CFAP61: variants seen among roughly 807,000 people sequenced by gnomAD.
CFAP61 encodes cilia- and flagella-associated protein 61.
In CFAP61, 107 loss-of-function variants were observed where a neutral mutation model predicts 135.6. The observed-to-expected ratio is 0.79, with a 90% CI of 0.67 to 0.93. The LOEUF (loss-of-function observed/expected upper bound fraction) is 0.93, where lower values mean the gene tolerates loss of function less well. Among genes scored for constraint, CFAP61 ranks in the 40% least tolerant of loss-of-function variants. The pLI is 0.00. For synonymous variants in CFAP61, 575 were observed against 578.5 expected, an observed-to-expected ratio of 0.99 and a Z score of 0.09; for missense variants, 1,507 against 1,556.2, an observed-to-expected ratio of 0.97 and a Z score of 0.53.
intron 13 of CFAP61, among the ~76,000 whole-genome samples, chr20:20,177,686 A>C (rs1003823639): frequency 6.6e-6 from 1 of 150,766 alleles, no homozygotes; most frequent in Admixed American, 6.7e-5. Flanking sequence ...GGGGGCCTGC[A>C]TTCTAGATGG....
In CFAP61 at chr20:20,136,132, GT is replaced by G. The variant is rs1005905661; in HGVS notation, c.860-6716del. On this transcript the variant is annotated intron_variant, in intron 8 of 26. Coordinates refer to ENST00000245957, the MANE Select transcript of CFAP61 (RefSeq NM_015585.4). Reference sequence around the variant, plus strand: ...ATTGGAGCTGCTTTGTGTATTATTTGTTTTTTTTTCTCTTGCTGCTTTTAGG... The same window carrying G: ...ATTGGAGCTGCTTTGTGTATTATTTGTTTTTTTTCTCTTGCTGCTTTTAGG... 9.3e-5 allele frequency among the ~76,000 whole-genome samples: 14 copies of G among 150,608 alleles called. No homozygotes were observed. The South Asian group carries it at 1.9e-3, about 20-fold the overall frequency.
Position 20,298,179 on chromosome 20 carries a change from AG to A in CFAP61, c.3218del. On this transcript the variant is annotated splice_acceptor_variant, in intron 24 of 26. Transcript: ENST00000245957. LOFTEE classifies it high-confidence loss of function. ...TTTTTCTTGTCCACATCCCTCCTCC[AG>A]GGTTTAGAACTAGTAACCGGCAGTG... 3 of 1,609,118 alleles carry A rather than the reference AG, an allele frequency of 1.9e-6. No individual in the cohort carries two copies. In the South Asian group the frequency reaches 3.3e-5, roughly 18 times the overall value.
At chr20:20,164,554 G>A (rs1015043652) in intron 11 of CFAP61, among the ~76,000 whole-genome samples, 20 of 152,262 alleles carry the variant, frequency 1.3e-4, no homozygotes, top group Non-Finnish European at 2.1e-4. Context: ...GTTACTGGTT[G>A]TCTAGAGTCT....
intron 18 of CFAP61, among the ~76,000 whole-genome samples, chr20:20,232,091 C>T (rs1314611082): frequency 6.6e-6 from 1 of 152,168 alleles, no homozygotes; most frequent in African/African-American, 2.4e-5. Context: ...CGTTAGCCCA[C>T]CTCTGCTGCC....
chr20:20,241,814 A>T (rs1033810712), intron 18 of CFAP61, among the ~76,000 whole-genome samples: 4 of 152,168 alleles, frequency 2.6e-5, no homozygotes, highest in African/African-American at 9.7e-5. Context: ...AGCATTTTTC[A>T]TTAAATGGTA....
At chr20:20,066,013 A>G (rs961796036) in intron 2 of CFAP61, among the ~76,000 whole-genome samples, 1 of 152,260 alleles carries the variant, frequency 6.6e-6, no homozygotes, top group African/African-American at 2.4e-5. Flanking sequence ...ACCCCATCAA[A>G]AAGTGGGCAA....
chr20:20,277,910 G>A (rs988898627), intron 22 of CFAP61, among the ~76,000 whole-genome samples: 2 of 152,232 alleles, frequency 1.3e-5, no homozygotes, highest in Non-Finnish European at 2.9e-5. Context: ...CAACATGGTG[G>A]TTTGGGTCTG....
chr20:20,324,161 C>T (rs1435287165), intron 25 of CFAP61, among the ~76,000 whole-genome samples: 1 of 152,080 alleles, frequency 6.6e-6, no homozygotes, highest in East Asian at 1.9e-4. Context: ...GTGCTGCTTA[C>T]TTGAAACACA....
At chr20:20,226,211 T>C (rs1366217072) in intron 17 of CFAP61, 1 of 152,190 alleles carries the variant, frequency 6.6e-6, no homozygotes, top group Non-Finnish European at 1.5e-5. Flanking sequence ...TTTCCCTAAC[T>C]CATGGATGTT....
chr20:20,171,153 G>A (rs935786903), intron 13 of CFAP61, among the ~76,000 whole-genome samples: 1 of 152,164 alleles, frequency 6.6e-6, no homozygotes, highest in South Asian at 2.1e-4. Flanking sequence ...TGTGGTCAGT[G>A]TAATCCCATT....
At chr20:20,302,204 TG>T (rs2056151069) in intron 25 of CFAP61, among the ~76,000 whole-genome samples, 1 of 152,246 alleles carries the variant, frequency 6.6e-6, no homozygotes, top group Non-Finnish European at 1.5e-5. Context: ...AATTTTAGTA[TG>T]GTTCTGTATT....
chr20:20,272,742 GA>G (rs1269281373), intron 21 of CFAP61, among the ~76,000 whole-genome samples: 1 of 152,150 alleles, frequency 6.6e-6, no homozygotes, highest in Non-Finnish European at 1.5e-5. Flanking sequence ...AGGGATTCAG[GA>G]AGATCTGTTT....
chr20:20,286,686 T>C (rs993364245), intron 22 of CFAP61, among the ~76,000 whole-genome samples: 1 of 152,234 alleles, frequency 6.6e-6, no homozygotes, highest in Non-Finnish European at 1.5e-5. Flanking sequence ...GTCTGTAACT[T>C]GTAACACATG....
intron 9 of CFAP61, among the ~76,000 whole-genome samples, chr20:20,150,994 A>G (rs1276762058): frequency 2.6e-5 from 4 of 152,164 alleles, no homozygotes; most frequent in African/African-American, 9.7e-5. Context: ...TGACAAAACA[A>G]GGTTCTGTAA....
At chr20:20,144,956 A>G (rs1405587086) in intron 9 of CFAP61, among the ~76,000 whole-genome samples, 1 of 152,182 alleles carries the variant, frequency 6.6e-6, no homozygotes, top group East Asian at 1.9e-4. Flanking sequence ...ATAAAATATG[A>G]AATAAAGAGT....
At position 20,253,746 on chromosome 20, in the gene CFAP61, C is replaced by T. The variant is rs185141457; in HGVS notation, c.2328+1983C>T. On this transcript the variant is annotated intron_variant, in intron 20 of 26. Transcript: ENST00000245957. ...GGCTCTTGATATATGCATACCCTGACGGCCTGAGCAGTTTCACAGGTGTTC... is the reference window on the plus strand; with the variant it reads ...GGCTCTTGATATATGCATACCCTGATGGCCTGAGCAGTTTCACAGGTGTTC... 7.3e-4 allele frequency: 201 copies of T among 275,538 alleles called. 1 individual carries two copies. Among genetic ancestry groups the T allele is most frequent in the African/African-American group, 7.0e-4 (31 of 44,260 alleles). The allele number at this position is 275,538 out of a possible 1,614,324, so 17.1% of individuals were successfully genotyped here.
chr20:20,090,696 A>G, intron 6 of CFAP61, 148 bp from the exon 7 acceptor site: 1 of 427,494 alleles, frequency 2.3e-6, no homozygotes, highest in Non-Finnish European at 3.7e-6. Flanking sequence ...CTCAAAAAAA[A>G]AAAAAAAAAA....
intron 25 of CFAP61, among the ~76,000 whole-genome samples, chr20:20,336,949 A>G (rs2058216277): frequency 6.6e-6 from 1 of 152,130 alleles, no homozygotes; most frequent in Admixed American, 6.5e-5. Context: ...TCACCATGGT[A>G]CCCTCAGTGC....
intron 8 of CFAP61, among the ~76,000 whole-genome samples, chr20:20,099,668 C>G (rs1283034989): frequency 6.6e-6 from 1 of 152,138 alleles, no homozygotes; most frequent in African/African-American, 2.4e-5. Context: ...TCACCGTTAG[C>G]AATTATTTTT....
Sources: gnomAD v4.1 joint callset for allele counts (sites outside exome capture counted in the v4.1 genomes callset) on GRCh38, gnomAD v4.1.1 for gene constraint, MANE v1.5 for transcripts, NCBI Gene and HGNC (gene_info 2026-07-23, HGNC 2026-07-21) for gene names.